ABCC1: variants seen among roughly 807,000 people sequenced by gnomAD.
The protein encoded by ABCC1 is multidrug resistance-associated protein 1.
ABCC1 carries 83 observed loss-of-function variants against 172.9 expected under a neutral mutation model. The observed-to-expected ratio is 0.48, with a 90% CI of 0.40 to 0.58. The LOEUF is 0.58. Ranked by LOEUF, ABCC1 falls within the 20% of genes least tolerant of loss-of-function variation. The probability of loss-of-function intolerance (pLI) is 0.00; values close to 1 mark genes in which losing one functional copy is unlikely to be tolerated. For synonymous variants in ABCC1, 937 were observed against 825.2 expected, an observed-to-expected ratio of 1.14 and a Z score of -2.32; for missense variants, 1,817 against 2,002.7, an observed-to-expected ratio of 0.91 and a Z score of 1.77.
chr16:15,985,100 C>T (rs1175127203), intron 1 of ABCC1, among the ~76,000 whole-genome samples: 3 of 152,100 alleles, frequency 2.0e-5, no homozygotes, highest in Non-Finnish European at 4.4e-5. Flanking sequence ...GAGACTCTGT[C>T]TTAAAGCAAA....
At chr16:15,967,707 C>T (rs1191262096) in intron 1 of ABCC1, among the ~76,000 whole-genome samples, 2 of 149,256 alleles carry the variant, frequency 1.3e-5, no homozygotes, top group Non-Finnish European at 3.0e-5. Flanking sequence ...CTGCAGTGAG[C>T]TATGATTGCA....
chr16:16,035,769 A>G (rs2048730900), intron 6 of ABCC1, among the ~76,000 whole-genome samples: 1 of 151,878 alleles, frequency 6.6e-6, no homozygotes, highest in African/African-American at 2.4e-5. Context: ...CGCTAGGATT[A>G]TAGACATGAG....
chr16:16,124,653 A>G, intron 24 of ABCC1, 136 bp from the exon 25 acceptor site: 1 of 1,299,152 alleles, frequency 7.7e-7, no homozygotes, highest in Admixed American at 2.0e-5. Context: ...AAGCAGTGCC[A>G]GGAAGGACTC....
intron 1 of ABCC1, among the ~76,000 whole-genome samples, chr16:15,990,660 T>A (rs1054168465): frequency 3.7e-4 from 55 of 150,048 alleles, no homozygotes; most frequent in Middle Eastern, 3.4e-3. Flanking sequence ...TTTCTTTCCT[T>A]TTTTTTTTAG....
At chr16:16,010,128 CAA>C (rs1302755686) in intron 3 of ABCC1, among the ~76,000 whole-genome samples, 1 of 141,664 alleles carries the variant, frequency 7.1e-6, no homozygotes, top group Non-Finnish European at 1.5e-5. Flanking sequence ...ACTGCAGCCT[CAA>C]ACTTCTGGCC....
At chr16:16,076,032 G>A (rs2050550096) in intron 14 of ABCC1, 7 of 452,922 alleles carry the variant, frequency 1.5e-5, no homozygotes, top group South Asian at 1.0e-4. Flanking sequence ...ATTCTCATGC[G>A]GCCCCCGCCT....
chr16:16,120,193 C>T (rs1282016142), intron 23 of ABCC1, among the ~76,000 whole-genome samples: 2 of 152,166 alleles, frequency 1.3e-5, no homozygotes, highest in African/African-American at 4.8e-5. Context: ...CAGCCCAGTA[C>T]ACCTGGCCCA....
chr16:16,043,937 G>A (rs917482028), intron 7 of ABCC1, among the ~76,000 whole-genome samples: 1 of 152,200 alleles, frequency 6.6e-6, no homozygotes, highest in African/African-American at 2.4e-5. Context: ...AAATCAGGAA[G>A]TGTGAATCCT....
intron 14 of ABCC1, among the ~76,000 whole-genome samples, chr16:16,073,361 ATG>A (rs1399978833): frequency 6.6e-6 from 1 of 152,196 alleles, no homozygotes; most frequent in Non-Finnish European, 1.5e-5. Flanking sequence ...AGCACCTACT[ATG>A]TGCCAAGCAT....
At chr16:16,087,933 G>A (rs1461844346) in intron 18 of ABCC1, among the ~76,000 whole-genome samples, 1 of 152,066 alleles carries the variant, frequency 6.6e-6, no homozygotes, top group African/African-American at 2.4e-5. Context: ...CTTGTTCCAC[G>A]TATATATACA....
chr16:15,967,937 C>T (rs550296340), intron 1 of ABCC1, among the ~76,000 whole-genome samples: 1 of 152,270 alleles, frequency 6.6e-6, no homozygotes, highest in African/African-American at 2.4e-5. Context: ...GTCTTTTCTC[C>T]TACTCTTTGT....
intron 21 of ABCC1, among the ~76,000 whole-genome samples, chr16:16,110,034 C>T (rs1029746187): frequency 3.3e-5 from 5 of 152,088 alleles, no homozygotes; most frequent in Non-Finnish European, 7.4e-5. Context: ...CACTGTGTTC[C>T]CTCCTACCTC....
At chr16:16,091,782 G>C (rs1170565992) in intron 19 of ABCC1, among the ~76,000 whole-genome samples, 2 of 152,222 alleles carry the variant, frequency 1.3e-5, no homozygotes, top group Admixed American at 6.5e-5. Flanking sequence ...GGAAGCCACT[G>C]AGTGTCAGAG....
At chr16:16,111,621 C>T in intron 22 of ABCC1, 39 bp downstream of exon 22, 2 of 1,568,390 alleles carry the variant, frequency 1.3e-6, no homozygotes, top group South Asian at 1.1e-5. Context: ...GATTTGGGCC[C>T]CTGTTGTGGC....
At chr16:16,090,871 AC>A (rs1226346349) in intron 19 of ABCC1, among the ~76,000 whole-genome samples, 1 of 152,038 alleles carries the variant, frequency 6.6e-6, no homozygotes, top group Non-Finnish European at 1.5e-5. Flanking sequence ...CTGGAACATG[AC>A]CTTGGACCTG....
intron 9 of ABCC1, among the ~76,000 whole-genome samples, chr16:16,047,139 A>G (rs2049244679): frequency 6.6e-6 from 1 of 151,804 alleles, no homozygotes; most frequent in African/African-American, 2.4e-5. Flanking sequence ...TGGAGGCTGC[A>G]GTGAGTCCTG....
rs529334139 is a variant in ABCC1, at chr16:16,109,980, C to T, written c.2872-1395C>T. On this transcript the variant is annotated intron_variant, in intron 21 of 30. Coordinates refer to ENST00000399410, the MANE Select transcript of ABCC1 (RefSeq NM_004996.4). ...CTCTTGTTCCTTGCTGCCCCATGATCTCCTGGCTCCAGCCACCAGTGCCTT... is the reference window on the plus strand; with the variant it reads ...CTCTTGTTCCTTGCTGCCCCATGATTTCCTGGCTCCAGCCACCAGTGCCTT... Among the ~76,000 whole-genome samples, 204 of 152,302 alleles carry T rather than the reference C, an allele frequency of 1.3e-3. 1 individual carries two copies. The highest frequency in any genetic ancestry group is 2.4e-4 in the Non-Finnish European group (16 of 68,030).
intron 8 of ABCC1, among the ~76,000 whole-genome samples, 182 bp from the exon 9 acceptor site, chr16:16,045,654 G>A (rs2049175313): frequency 6.6e-6 from 1 of 152,142 alleles, no homozygotes; most frequent in Non-Finnish European, 1.5e-5. Flanking sequence ...TCTTTTATGA[G>A]CAGTTTGGGT....
At chr16:16,121,493 C>G (rs2045155099) in intron 23 of ABCC1, among the ~76,000 whole-genome samples, 2 of 152,342 alleles carry the variant, frequency 1.3e-5, no homozygotes, top group South Asian at 4.1e-4. Flanking sequence ...AACCACACTG[C>G]TGGTTCCAGA....
Sources: gnomAD v4.1 joint callset for allele counts (sites outside exome capture counted in the v4.1 genomes callset) on GRCh38, gnomAD v4.1.1 for gene constraint, MANE v1.5 for transcripts, NCBI Gene and HGNC (gene_info 2026-07-23, HGNC 2026-07-21) for gene names.